PGR: variants seen among roughly 807,000 people sequenced by gnomAD.
The protein encoded by PGR is nuclear receptor subfamily 3 group C member 3.
A neutral mutation model predicts 76.1 loss-of-function variants in PGR; 25 were observed. That is an observed-to-expected ratio of 0.33 (90% CI 0.24 to 0.46). The LOEUF is 0.46. Ranked by LOEUF, PGR falls within the 20% of genes least tolerant of loss-of-function variation. The pLI is 1.00. For synonymous variants in PGR, 579 were observed against 535.0 expected (o/e 1.08, Z -1.14); for missense variants, 1,172 against 1,225.3 (o/e 0.96, Z 0.65).
At chr11:101,046,719 T>A (rs915334287) in intron 6 of PGR, among the ~76,000 whole-genome samples, 1 of 152,138 alleles carries the variant, frequency 6.6e-6, no homozygotes, top group African/African-American at 2.4e-5. Context: ...AGGATATAAT[T>A]TGAGCTACAT....
At chr11:101,110,601 G>A (rs1052717890) in intron 2 of PGR, among the ~76,000 whole-genome samples, 2 of 152,288 alleles carry the variant, frequency 1.3e-5, no homozygotes, top group Admixed American at 1.3e-4. Flanking sequence ...TGGTGAAGAC[G>A]CTGTGAGCAT....
intron 2 of PGR, among the ~76,000 whole-genome samples, chr11:101,110,565 C>T (rs769452386): frequency 3.3e-5 from 5 of 152,084 alleles, no homozygotes; most frequent in South Asian, 2.1e-4. Context: ...GCAAAGAAAG[C>T]GGTTTCTTGA....
Position 101,107,941 on chromosome 11 carries a change from T to C in PGR, c.1790-16065A>G, listed in dbSNP as rs1465687220. Among the ~76,000 whole-genome samples, 3 of 150,178 alleles carry C rather than the reference T, an allele frequency of 2.0e-5. No homozygotes were observed. In the Admixed American group the frequency reaches 2.0e-4, roughly 10 times the overall value. On this transcript the variant is annotated intron_variant, in intron 2 of 7. Coordinates refer to ENST00000325455, the MANE Select transcript of PGR (RefSeq NM_000926.4). ...AACATTTTCCTAAATGTTATTTAAG[T>C]CTAGGCACCAAAATATATAAGATTT...
At chr11:101,070,077 G>A (rs1185748177) in intron 3 of PGR, among the ~76,000 whole-genome samples, 1 of 151,964 alleles carries the variant, frequency 6.6e-6, no homozygotes, top group African/African-American at 2.4e-5. Context: ...CTCCCAACGC[G>A]ATCAACACAG....
chr11:101,076,919 A>C (rs1366187425), intron 3 of PGR, among the ~76,000 whole-genome samples: 1 of 65,132 alleles, frequency 1.5e-5, no homozygotes, highest in African/African-American at 5.8e-5. Flanking sequence ...TACAAATGGA[A>C]TTTTTTTTTT....
intron 2 of PGR, among the ~76,000 whole-genome samples, chr11:101,107,361 T>C (rs1862198306): frequency 6.6e-6 from 1 of 152,180 alleles, no homozygotes; most frequent in Non-Finnish European, 1.5e-5. Flanking sequence ...AAAAAATCTC[T>C]CTGGAACTCT....
rs1234334547 is a variant in PGR at position 101,079,735 on chromosome 11, G to T, written c.1906+12025C>A. On this transcript the variant is annotated intron_variant, in intron 3 of 7. Coordinates refer to ENST00000325455, the MANE Select transcript of PGR (RefSeq NM_000926.4). ...AAAACTAAAAACAGAACTACCACGT[G>T]ATGCAGCAATCCTACTGTTGGGCAT... Among the ~76,000 whole-genome samples the T allele has an allele frequency of 1.3e-5, 2 of 152,206 alleles. 1 individual carries two copies. The highest frequency in any genetic ancestry group is 6.3e-3 in the Middle Eastern group (2 of 316).
intron 2 of PGR, among the ~76,000 whole-genome samples, chr11:101,100,386 C>T (rs1340427294): frequency 6.6e-6 from 1 of 152,182 alleles, no homozygotes; most frequent in African/African-American, 2.4e-5. Context: ...CCATGTGGAA[C>T]TGTGAGTCAA....
At chr11:101,064,594 A>T (rs1010569660) in intron 3 of PGR, among the ~76,000 whole-genome samples, 4 of 152,032 alleles carry the variant, frequency 2.6e-5, no homozygotes, top group African/African-American at 9.7e-5. Context: ...TAATGTTAAG[A>T]AGAGGGCTAA....
At position 101,129,326 on chromosome 11, in the gene PGR, G is replaced by T; in HGVS notation, c.-256C>A. The T allele has an allele frequency of 2.1e-6, 1 of 481,592 alleles. No individual in the cohort carries two copies. Among genetic ancestry groups the T allele is most frequent in the Middle Eastern group, 5.3e-4 (1 of 1,890 alleles). 29.8% of individuals were successfully genotyped at this position (481,592 alleles called of 1,614,324 possible). On this transcript the variant is annotated 5_prime_UTR_variant, in exon 1 of 8. Transcript: ENST00000325455. ...AGCGAGCGGCAAGTGGGGAGCGCAAGAAAAAGTAGTAATTGTTAGGAGATC... is the reference window on the plus strand; with the variant it reads ...AGCGAGCGGCAAGTGGGGAGCGCAATAAAAAGTAGTAATTGTTAGGAGATC...
Position 101,036,641 on chromosome 11 carries a change from G to T in PGR, c.*2475C>A, listed in dbSNP as rs917103169. On this transcript the variant is annotated 3_prime_UTR_variant, in exon 8 of 8. Transcript: ENST00000325455. ...GTGAAGCCATATTCTTTTTAAAAAGGTACTTTATTTTTAAAGCTTAGCCTT... is the reference window on the plus strand; with the variant it reads ...GTGAAGCCATATTCTTTTTAAAAAGTTACTTTATTTTTAAAGCTTAGCCTT... 5.0e-6 allele frequency: 1 copy of T among 198,198 alleles called. No homozygotes were observed. The highest frequency in any genetic ancestry group is 2.3e-5 in the African/African-American group (1 of 43,370). 12.3% of individuals were successfully genotyped at this position (198,198 alleles called of 1,614,324 possible). A position where few individuals can be genotyped will look rare whatever the true frequency, so the allele number is the denominator to read the frequency against.
chr11:101,073,781 G>A (rs137893636), intron 3 of PGR, among the ~76,000 whole-genome samples: 1,820 of 152,232 alleles, frequency 0.012, 14 homozygotes, highest in Non-Finnish European at 0.02. Flanking sequence ...ATGAAACCAG[G>A]AAGAAGTTGA....
intron 3 of PGR, among the ~76,000 whole-genome samples, chr11:101,083,937 G>A (rs1367158858): frequency 1.3e-5 from 2 of 152,096 alleles, no homozygotes; most frequent in African/African-American, 4.8e-5. Flanking sequence ...AAACTGAGAA[G>A]GACATAAGCT....
Position 101,047,018 on chromosome 11 carries a change from G to A in PGR, c.2488+2911C>T, listed in dbSNP as rs183615306. On this transcript the variant is annotated intron_variant, in intron 6 of 7. Transcript: ENST00000325455. ...TCTCCCCAAATCTCATTAGAATCTT[G>A]ATTAGAATTTGTGGAAAGCGTAAGT... Among the ~76,000 whole-genome samples the A allele has an allele frequency of 2.0e-5, 3 of 152,204 alleles. No individual in the cohort carries two copies. In the East Asian group the frequency reaches 5.8e-4, roughly 29 times the overall value.
rs1859364123 is a variant in PGR, at chr11:101,031,878, TG to T, written c.*7237del. ...ATACAAAGAATGTGTTTATTTTGTA[TG>T]GGTTCAGCACAACTCAGTTCCTCTT... is the stretch of plus-strand genomic sequence containing the variant. On this transcript the variant is annotated 3_prime_UTR_variant, in exon 8 of 8. Coordinates refer to ENST00000325455, the MANE Select transcript of PGR (RefSeq NM_000926.4). 1 of 229,994 alleles carries T rather than the reference TG, an allele frequency of 4.3e-6. No individual in the cohort carries two copies. The highest frequency in any genetic ancestry group is 2.2e-5 in the African/African-American group (1 of 45,180). 14.2% of individuals were successfully genotyped at this position (229,994 alleles called of 1,614,324 possible).
intron 2 of PGR, among the ~76,000 whole-genome samples, chr11:101,097,119 C>T (rs1012346017): frequency 2.0e-5 from 3 of 152,126 alleles, no homozygotes; most frequent in African/African-American, 7.2e-5. Context: ...CTTCTTTCTC[C>T]TTGCAAAACT....
At chr11:101,125,724 A>G (rs1421865785) in intron 2 of PGR, among the ~76,000 whole-genome samples, 1 of 152,228 alleles carries the variant, frequency 6.6e-6, no homozygotes, top group African/African-American at 2.4e-5. Context: ...CCTCAAAGCT[A>G]AGCAGTTAAG....
intron 3 of PGR, among the ~76,000 whole-genome samples, chr11:101,066,287 G>A (rs756402435): frequency 2.0e-5 from 3 of 152,144 alleles, no homozygotes; most frequent in African/African-American, 4.8e-5. Flanking sequence ...GTCTTAACCC[G>A]GGTAAGTACT....
chr11:101,122,122 T>A (rs1201072226), intron 2 of PGR, among the ~76,000 whole-genome samples: 2 of 128,984 alleles, frequency 1.6e-5, no homozygotes, highest in African/African-American at 5.9e-5. Context: ...ACCACTGCAC[T>A]CCAGCATGGG....
Sources: allele counts gnomAD v4.1 joint callset (sites outside exome capture counted in the v4.1 genomes callset), GRCh38; gene constraint gnomAD v4.1.1; transcripts MANE v1.5; gene names NCBI Gene and HGNC (gene_info 2026-07-23, HGNC 2026-07-21).